CSDC2: variants seen among roughly 807,000 people sequenced by gnomAD.
CSDC2 encodes the protein cold shock domain containing C2, also known as cold shock domain-containing protein C2.
A neutral mutation model predicts 15.8 loss-of-function variants in CSDC2; 8 were observed. The observed-to-expected ratio is 0.51, with a 90% confidence interval of 0.30 to 0.92. The LOEUF (loss-of-function observed/expected upper bound fraction) is 0.92. CSDC2 is among the 40% of genes least tolerant of loss of function. The pLI, the probability that CSDC2 is intolerant of heterozygous loss-of-function variation, is 0.07. For synonymous variants in CSDC2, 96 were observed against 92.3 expected (o/e 1.04, Z -0.23); for missense variants, 195 against 213.3 (o/e 0.91, Z 0.53).
At chr22:41,573,626 C>T (rs1181778839) in intron 2 of CSDC2, 29 bp from the exon 3 acceptor site, 1 of 1,592,314 alleles carries the variant, frequency 6.3e-7, no homozygotes, top group South Asian at 1.1e-5. Context: ...CCTCAGGCCA[C>T]AGCTCCAATC....
intron 1 of CSDC2, among the ~76,000 whole-genome samples, chr22:41,564,643 G>A (rs2067104624): frequency 6.6e-6 from 1 of 152,216 alleles, no homozygotes; most frequent in African/African-American, 2.4e-5. Context: ...CACGTTTGTT[G>A]TTCTGGTGCC....
At chr22:41,573,906 G>A in intron 3 of CSDC2, 129 bp downstream of exon 3, 1 of 1,242,496 alleles carries the variant, frequency 8.0e-7, no homozygotes, top group Non-Finnish European at 1.1e-6. Flanking sequence ...TCTGTCCTCT[G>A]AGTAGGGGCT....
At chr22:41,563,192 T>C (rs2145594848) in intron 1 of CSDC2, among the ~76,000 whole-genome samples, 1 of 152,102 alleles carries the variant, frequency 6.6e-6, no homozygotes, top group South Asian at 2.1e-4. Flanking sequence ...ACACAGGCTG[T>C]GTGGGGGAAG....
chr22:41,564,845 C>T (rs968477773), intron 1 of CSDC2, among the ~76,000 whole-genome samples: 4 of 152,138 alleles, frequency 2.6e-5, no homozygotes, highest in Non-Finnish European at 4.4e-5. Flanking sequence ...TTCCCTAATC[C>T]GCTCAGACTG....
rs542722795 is a variant in CSDC2 at position 41,573,952 on chromosome 22, A to T, written c.299+175A>T. On this transcript the variant is annotated intron_variant, in intron 3 of 3. Coordinates refer to ENST00000306149, the MANE Select transcript of CSDC2 (RefSeq NM_014460.4). The stretch of plus-strand genomic sequence containing the variant: ...TGGGAGAGGAGGGCTGGGGCCAGGG[A>T]GGGAGTGGGCACGCAGACCCCAGAA... Among the ~76,000 whole-genome samples, 27 of 152,274 alleles carry T rather than the reference A, an allele frequency of 1.8e-4. No homozygotes were observed. The East Asian group carries it at 5.0e-3, about 28-fold the overall frequency.
intron 1 of CSDC2, among the ~76,000 whole-genome samples, chr22:41,565,432 G>T (rs893512173): frequency 6.9e-6 from 1 of 145,146 alleles, no homozygotes; most frequent in Admixed American, 6.9e-5. Context: ...CCTGGGTGAC[G>T]GAGTAAGATT....
At chr22:41,574,698 G>A in intron 3 of CSDC2, 35 bp from the exon 4 acceptor site, 1 of 1,607,718 alleles carries the variant, frequency 6.2e-7, no homozygotes, top group Non-Finnish European at 8.5e-7. Flanking sequence ...CACAGGGCCT[G>A]CTGCTGGGCT....
At chr22:41,573,568 G>A (rs754482795) in intron 2 of CSDC2, 87 bp from the exon 3 acceptor site, 18 of 1,486,482 alleles carry the variant, frequency 1.2e-5, no homozygotes, top group East Asian at 7.1e-5. Context: ...CCTGAGGCAC[G>A]CTCAGCAGAA....
chr22:41,563,959 C>T (rs1457444316), intron 1 of CSDC2, among the ~76,000 whole-genome samples: 2 of 150,826 alleles, frequency 1.3e-5, no homozygotes, highest in Non-Finnish European at 3.0e-5. Flanking sequence ...TGGCGGGCAC[C>T]TGTATTCCCA....
chr22:41,571,622 C>A (rs2067145559), intron 1 of CSDC2, among the ~76,000 whole-genome samples: 4 of 152,166 alleles, frequency 2.6e-5, no homozygotes, highest in Admixed American at 2.0e-4. Flanking sequence ...TCCCAGGCCC[C>A]TGGAGTTAAG....
intron 1 of CSDC2, among the ~76,000 whole-genome samples, chr22:41,571,369 A>T (rs1569048679): frequency 6.6e-6 from 1 of 152,096 alleles, no homozygotes; most frequent in African/African-American, 2.4e-5. Flanking sequence ...AAAAAAAAAA[A>T]TTTGACCAGA....
In CSDC2 at chr22:41,575,207, C is replaced by T. The variant is rs1475612116; in HGVS notation, c.*312C>T. 4 of 426,594 alleles carry T rather than the reference C, an allele frequency of 9.4e-6. No individual in the cohort carries two copies. Among genetic ancestry groups the T allele is most frequent in the African/African-American group, 2.0e-5 (1 of 49,896 alleles). The allele number at this position is 426,594 out of a possible 1,614,324, so 26.4% of individuals were successfully genotyped here. The stretch of plus-strand genomic sequence containing the variant: ...CAGGACCCGCTCGCCCTCCTGCTTA[C>T]CCGTCCCCACGGTGACTGAGCTGCG... On this transcript the variant is annotated 3_prime_UTR_variant, in exon 4 of 4. Coordinates refer to ENST00000306149, the MANE Select transcript of CSDC2 (RefSeq NM_014460.4).
chr22:41,566,376 A>G (rs2067114319), intron 1 of CSDC2, among the ~76,000 whole-genome samples: 2 of 147,610 alleles, frequency 1.4e-5, no homozygotes, highest in Non-Finnish European at 3.0e-5. Flanking sequence ...CCCCACAGGC[A>G]GAGGTTGCAG....
At chr22:41,571,620 C>A (rs902199640) in intron 1 of CSDC2, among the ~76,000 whole-genome samples, 2 of 152,094 alleles carry the variant, frequency 1.3e-5, no homozygotes, top group Admixed American at 6.5e-5. Flanking sequence ...CCTCCCAGGC[C>A]CCTGGAGTTA....
intron 1 of CSDC2, among the ~76,000 whole-genome samples, chr22:41,571,190 T>TA (rs2067143707): frequency 6.6e-6 from 1 of 151,102 alleles, no homozygotes; most frequent in Non-Finnish European, 1.5e-5. Flanking sequence ...CCATCTCTAC[T>TA]AAAAATACAA....
At position 41,573,652 on chromosome 22, in the gene CSDC2, C is replaced by CA; in HGVS notation, c.177-2dup. ...AGCTCCAATCCCACTACCCTATCTCCAGGACAGCCCGGGCCTCAGCTGGCC... is the reference window on the plus strand; with the variant it reads ...AGCTCCAATCCCACTACCCTATCTCCAAGGACAGCCCGGGCCTCAGCTGGCC... On this transcript the variant is annotated splice_region_variant and splice_polypyrimidine_tract_variant and intron_variant, in intron 2 of 3. Transcript: ENST00000306149. 6.2e-7 allele frequency: 1 copy of CA among 1,611,528 alleles called. No individual in the cohort carries two copies. Among genetic ancestry groups the CA allele is most frequent in the East Asian group, 2.2e-5 (1 of 44,770 alleles).
intron 3 of CSDC2, among the ~76,000 whole-genome samples, chr22:41,574,154 C>T (rs1337512656): frequency 1.3e-5 from 2 of 152,308 alleles, no homozygotes; most frequent in African/African-American, 2.4e-5. Flanking sequence ...CCAGGAGGAC[C>T]GGGGGAGGTC....
chr22:41,562,400 C>A (rs1207871726), intron 1 of CSDC2, among the ~76,000 whole-genome samples: 2 of 84,276 alleles, frequency 2.4e-5, no homozygotes, highest in African/African-American at 3.8e-5. Context: ...CCATCCTCAC[C>A]CCCTTCAAAA....
At chr22:41,573,174 C>T (rs2067157021) in intron 2 of CSDC2, among the ~76,000 whole-genome samples, 1 of 152,118 alleles carries the variant, frequency 6.6e-6, no homozygotes, top group South Asian at 2.1e-4. Context: ...CCAAACACTG[C>T]AAAACCCTGT....
Sources: allele counts gnomAD v4.1 joint callset (sites outside exome capture counted in the v4.1 genomes callset), GRCh38; gene constraint gnomAD v4.1.1; transcripts MANE v1.5; gene names NCBI Gene and HGNC (gene_info 2026-07-23, HGNC 2026-07-21).